Variants in MAD1L1 observed in about 807,000 individuals in gnomAD.
MAD1L1 encodes the protein mitotic spindle assembly checkpoint protein MAD1.
In MAD1L1, 95 loss-of-function variants were observed where a neutral mutation model predicts 96.9. The ratio of observed to expected loss-of-function variants is 0.98; its 90% confidence interval spans 0.83 to 1.16. MAD1L1 has a LOEUF of 1.16. MAD1L1 is among the 50% of genes most tolerant of loss of function. The probability of loss-of-function intolerance (pLI) is 0.00; values close to 1 mark genes in which losing one functional copy is unlikely to be tolerated. For missense variants in MAD1L1, 1,007 were observed against 954.4 expected (o/e 1.06, Z -0.73); for synonymous variants, 473 against 396.6 (o/e 1.19, Z -2.29).
chr7:1,919,340 G>A (rs574977318), intron 17 of MAD1L1, among the ~76,000 whole-genome samples: 3 of 152,244 alleles, frequency 2.0e-5, no homozygotes, highest in Non-Finnish European at 2.9e-5. Context: ...ACGGTGTGTT[G>A]GAGCCAGGGA....
chr7:1,983,154 GCACACACACACACACA>G (rs976027470), intron 14 of MAD1L1, among the ~76,000 whole-genome samples: 57 of 31,490 alleles, frequency 1.8e-3, no homozygotes, highest in African/African-American at 7.0e-3. Context: ...GCGCGCGCGC[GCACACACACACACACA>G]CACACACACA....
At chr7:2,047,802 C>T (rs1050211364) in intron 12 of MAD1L1, among the ~76,000 whole-genome samples, 5 of 152,164 alleles carry the variant, frequency 3.3e-5, no homozygotes, top group Non-Finnish European at 5.9e-5. Flanking sequence ...CACTCACACA[C>T]GTGCACTCAC....
chr7:2,016,238 G>A (rs1278937699), intron 12 of MAD1L1, among the ~76,000 whole-genome samples: 2 of 152,172 alleles, frequency 1.3e-5, no homozygotes, highest in African/African-American at 2.4e-5. Context: ...CTGCGCAAGG[G>A]GCCAATGCTC....
Position 1,871,816 on chromosome 7 carries a change from C to T in MAD1L1, c.1998+26384G>A, listed in dbSNP as rs1036769490. On this transcript the variant is annotated intron_variant, in intron 18 of 18. Transcript: ENST00000265854. ...GCACCTGTGATGGCGGTGCAGGCTT[C>T]CCCGGAGGGCCAGCAGCTCGGAGCC... 3.9e-5 allele frequency among the ~76,000 whole-genome samples: 6 copies of T among 152,230 alleles called. No homozygotes were observed. In the South Asian group the frequency reaches 8.3e-4, roughly 21 times the overall value.
chr7:2,037,303 T>G (rs1783484463), intron 12 of MAD1L1, among the ~76,000 whole-genome samples: 1 of 152,016 alleles, frequency 6.6e-6, no homozygotes, highest in Non-Finnish European at 1.5e-5. Flanking sequence ...GCCCCACTGT[T>G]AACATCTTAC....
At chr7:1,914,600 C>T (rs1403425970) in intron 17 of MAD1L1, among the ~76,000 whole-genome samples, 1 of 152,142 alleles carries the variant, frequency 6.6e-6, no homozygotes, top group Non-Finnish European at 1.5e-5. Context: ...AACCCGAGAT[C>T]ACATCGTGTT....
At chr7:2,062,827 G>A (rs1334916734) in intron 12 of MAD1L1, among the ~76,000 whole-genome samples, 2 of 152,156 alleles carry the variant, frequency 1.3e-5, no homozygotes, top group East Asian at 1.9e-4. Flanking sequence ...CACCTCACAC[G>A]TCAGGTCACT....
intron 11 of MAD1L1, among the ~76,000 whole-genome samples, chr7:2,091,571 C>T (rs757257588): frequency 3.9e-5 from 6 of 152,158 alleles, no homozygotes; most frequent in South Asian, 2.1e-4. Context: ...GTCAGGAGAT[C>T]GAGACCATAC....
intron 10 of MAD1L1, among the ~76,000 whole-genome samples, chr7:2,155,243 C>T (rs1789771110): frequency 6.6e-6 from 1 of 152,154 alleles, no homozygotes; most frequent in Admixed American, 6.5e-5. Context: ...TGAGGAAACC[C>T]AAGACAAGCA....
chr7:2,067,947 T>C (rs1222021424), intron 12 of MAD1L1, among the ~76,000 whole-genome samples: 1 of 150,694 alleles, frequency 6.6e-6, no homozygotes, highest in African/African-American at 2.5e-5. Flanking sequence ...CCACGCCACG[T>C]GCACCTCACG....
At position 2,184,129 on chromosome 7, in the gene MAD1L1, G is replaced by A. The variant is rs528161234; in HGVS notation, c.986+29083C>T. 1.3e-4 allele frequency among the ~76,000 whole-genome samples: 20 copies of A among 152,130 alleles called. No individual in the cohort carries two copies. In the South Asian group the frequency reaches 4.2e-3, roughly 32 times the overall value. ...TAGCCAGGCGTGGTGGCGGGCGCCTGTAGTCCCAGCTACTCGGGAGGCTGA... is the reference window on the plus strand; with the variant it reads ...TAGCCAGGCGTGGTGGCGGGCGCCTATAGTCCCAGCTACTCGGGAGGCTGA... On this transcript the variant is annotated intron_variant, in intron 10 of 18. Transcript: ENST00000265854.
At chr7:2,227,579 C>T (rs182246289) in intron 3 of MAD1L1, among the ~76,000 whole-genome samples, 154 of 152,292 alleles carry the variant, frequency 1.0e-3, no homozygotes, top group African/African-American at 3.6e-3. Flanking sequence ...AAATGCCAAG[C>T]GTGCCAAGGC....
At chr7:2,178,015 C>G (rs1791024915) in intron 10 of MAD1L1, among the ~76,000 whole-genome samples, 1 of 152,170 alleles carries the variant, frequency 6.6e-6, no homozygotes, top group South Asian at 2.1e-4. Flanking sequence ...TTTATAAACC[C>G]TAGATCTAAC....
chr7:2,147,129 A>G (rs1446565238), intron 11 of MAD1L1, among the ~76,000 whole-genome samples: 1 of 152,216 alleles, frequency 6.6e-6, no homozygotes, highest in African/African-American at 2.4e-5. Context: ...GGCGCAGTTC[A>G]GGAGGCTCAG....
chr7:2,084,927 T>C (rs918840326), intron 11 of MAD1L1, among the ~76,000 whole-genome samples: 2 of 152,188 alleles, frequency 1.3e-5, no homozygotes, highest in Non-Finnish European at 2.9e-5. Context: ...GACCTTATCA[T>C]TGCCGTCATC....
chr7:2,109,881 C>T (rs935995436), intron 11 of MAD1L1, among the ~76,000 whole-genome samples: 2 of 152,228 alleles, frequency 1.3e-5, no homozygotes, highest in Non-Finnish European at 2.9e-5. Context: ...CGTTTGGGTA[C>T]TTTCTGAACA....
At chr7:1,871,265 C>A (rs1478848994) in intron 18 of MAD1L1, among the ~76,000 whole-genome samples, 2 of 139,110 alleles carry the variant, frequency 1.4e-5, no homozygotes, top group Non-Finnish European at 1.5e-5. Flanking sequence ...CCAACATAAG[C>A]CTGCCACGCT....
At chr7:2,205,146 A>T (rs1295277843) in intron 10 of MAD1L1, among the ~76,000 whole-genome samples, 2 of 134,596 alleles carry the variant, frequency 1.5e-5, no homozygotes, top group African/African-American at 5.4e-5. Context: ...CTATGAGAGG[A>T]ATGTAGTTTA....
chr7:2,023,716 A>C, intron 12 of MAD1L1, among the ~76,000 whole-genome samples: 1 of 152,230 alleles, frequency 6.6e-6, no homozygotes, highest in Non-Finnish European at 1.5e-5. Context: ...TGGGAGGCCA[A>C]GGTGGGTGGA....
Sources: gnomAD v4.1 joint callset for allele counts (sites outside exome capture counted in the v4.1 genomes callset) on GRCh38, gnomAD v4.1.1 for gene constraint, MANE v1.5 for transcripts, NCBI Gene and HGNC (gene_info 2026-07-23, HGNC 2026-07-21) for gene names.